The following NUDT11 variants were observed in gnomAD, a reference collection of about 807,000 sequenced individuals.
NUDT11 encodes nudix hydrolase 11.
Under a neutral mutation model 10.0 loss-of-function variants are expected in NUDT11, and 1 was observed. The observed-to-expected ratio is 0.10, with a 90% CI of 0.04 to 0.47. The LOEUF is 0.47. NUDT11 is among the 20% of genes least tolerant of loss of function. NUDT11 has a pLI of 0.96. For synonymous variants in NUDT11, 63 were observed against 65.9 expected, an observed-to-expected ratio of 0.96 and a Z score of 0.21; for missense variants, 47 against 140.4, an observed-to-expected ratio of 0.33 and a Z score of 3.36.
intron 1 of NUDT11, among the ~76,000 whole-genome samples, chrX:51,494,193 C>A (rs953804959): frequency 7.2e-5 from 8 of 111,602 alleles, no homozygotes; most frequent in African/African-American, 2.6e-4. Context: ...TGCACTTGTA[C>A]CCCTGGAATT....
chrX:51,491,521 A>G lies in NUDT11; in HGVS notation c.*228T>C. ...GCAGACACATCAAAAAAGCACAACA[A>G]AAGGCTATAGGTGCTGAATTAAGAG... On this transcript the variant is annotated 3_prime_UTR_variant, in exon 2 of 2. Transcript: ENST00000375992. The G allele has an allele frequency of 2.8e-6, 1 of 353,185 alleles. No individual in the cohort carries two copies. Among genetic ancestry groups the G allele is most frequent in the Non-Finnish European group, 4.9e-6 (1 of 203,562 alleles). 29.1% of individuals were successfully genotyped at this position (353,185 alleles called of 1,213,427 possible). A position where few individuals can be genotyped will look rare whatever the true frequency, so the allele number is the denominator to read the frequency against.
chrX:51,491,655 C>A lies in NUDT11; in HGVS notation c.*94G>T. On this transcript the variant is annotated 3_prime_UTR_variant, in exon 2 of 2. Transcript: ENST00000375992. ...ACCAGATGAGCTGTCTTCTTGGGAA[C>A]ACAGAAGTGCTCACCTGTACTTGAC... The A allele has an allele frequency of 1.8e-6, 1 of 561,167 alleles. No homozygotes were observed. Among genetic ancestry groups the A allele is most frequent in the South Asian group, 2.3e-5 (1 of 43,018 alleles). The allele number at this position is 561,167 out of a possible 1,213,427, so 46.2% of individuals were successfully genotyped here.
chrX:51,493,639 G>A (rs1049896697), intron 1 of NUDT11, among the ~76,000 whole-genome samples: 1 of 111,109 alleles, frequency 9.0e-6, no homozygotes, highest in African/African-American at 3.3e-5. Context: ...TCTCCTTGGC[G>A]CTCTTAACTA....
At chrX:51,495,839 A>C (rs1327146384) in intron 1 of NUDT11, 112 bp downstream of exon 1, 1 of 1,066,821 alleles carries the variant, frequency 9.4e-7, no homozygotes, top group Non-Finnish European at 1.2e-6. Flanking sequence ...GAAACAAAAG[A>C]AGCCTCCCTC....
intron 1 of NUDT11, among the ~76,000 whole-genome samples, chrX:51,494,522 TA>T (rs1189088986): frequency 9.0e-6 from 1 of 110,736 alleles, no homozygotes; most frequent in African/African-American, 3.3e-5. Flanking sequence ...TTTAGCAGCA[TA>T]AAAAATATTA....
intron 1 of NUDT11, among the ~76,000 whole-genome samples, chrX:51,494,401 T>G (rs1925658001): frequency 1.8e-5 from 2 of 112,060 alleles, no homozygotes; most frequent in South Asian, 7.4e-4. Context: ...CAGAAAATAT[T>G]TTGAGAAACA....
rs1169100885 is a variant in NUDT11 at position 51,490,998 on chromosome X, T to C, written c.*751A>G. 11 of 112,817 alleles carry C rather than the reference T, an allele frequency of 9.8e-5. No individual in the cohort carries two copies. Among genetic ancestry groups the C allele is most frequent in the African/African-American group, 2.9e-4 (9 of 31,007 alleles). 9.3% of individuals were successfully genotyped at this position (112,817 alleles called of 1,213,427 possible). ...GTCTTATATATCATTTTAAAATTTA[T>C]TTTTATAAAAACTCACAACATTATT... On this transcript the variant is annotated 3_prime_UTR_variant, in exon 2 of 2. Transcript: ENST00000375992.
Position 51,490,049 on chromosome X carries a change from A to G in NUDT11, c.*1700T>C, listed in dbSNP as rs1244275903. ...TTTTATTATGGAAAATTTCAAACAT[A>G]TACAAAAGTATAGAGAATAGTATAA... On this transcript the variant is annotated 3_prime_UTR_variant, in exon 2 of 2. Coordinates refer to ENST00000375992, the MANE Select transcript of NUDT11 (RefSeq NM_018159.4). 8.9e-6 allele frequency: 1 copy of G among 111,829 alleles called. No individual in the cohort carries two copies. The highest frequency in any genetic ancestry group is 1.9e-5 in the Non-Finnish European group (1 of 53,189). 9.2% of individuals were successfully genotyped at this position (111,829 alleles called of 1,213,427 possible). A position where few individuals can be genotyped will look rare whatever the true frequency, so the allele number is the denominator to read the frequency against.
intron 1 of NUDT11, among the ~76,000 whole-genome samples, chrX:51,493,067 T>C (rs782771213): frequency 1.8e-3 from 202 of 112,770 alleles, no homozygotes; most frequent in Non-Finnish European, 1.9e-3. Context: ...AGTTTGTTTC[T>C]TTAAAGTGTA....
rs1925580926 is a variant in NUDT11 at position 51,490,964 on chromosome X, C to CA, written c.*784dup. On this transcript the variant is annotated 3_prime_UTR_variant, in exon 2 of 2. Coordinates refer to ENST00000375992, the MANE Select transcript of NUDT11 (RefSeq NM_018159.4). ...TAAGAAGTGGTTAGGGCAGGCATTGCAAAAAAATGTCTTATATATCATTTT... is the reference window on the plus strand; with the variant it reads ...TAAGAAGTGGTTAGGGCAGGCATTGCAAAAAAAATGTCTTATATATCATTTT... The CA allele has an allele frequency of 9.0e-6, 1 of 111,619 alleles. No homozygotes were observed. The highest frequency in any genetic ancestry group is 9.5e-5 in the Admixed American group (1 of 10,537). The allele number at this position is 111,619 out of a possible 1,213,427, so 9.2% of individuals were successfully genotyped here. A position where few individuals can be genotyped will look rare whatever the true frequency, so the allele number is the denominator to read the frequency against.
chrX:51,495,928 G>C (rs781981062), intron 1 of NUDT11, 23 bp downstream of exon 1: 3 of 1,206,047 alleles, frequency 2.5e-6, no homozygotes, highest in African/African-American at 1.7e-5. Context: ...ATAGAAGTCT[G>C]CGCGAGCGCA....
rs1925597058 is a variant in NUDT11 at position 51,491,634 on chromosome X, G to GA, written c.*114dup. Reference sequence around the variant, plus strand: ...TGTCCCAAGATGCAGGAAGAAACCAGATGAGCTGTCTTCTTGGGAACACAG... The same window carrying GA: ...TGTCCCAAGATGCAGGAAGAAACCAGAATGAGCTGTCTTCTTGGGAACACAG... On this transcript the variant is annotated 3_prime_UTR_variant, in exon 2 of 2. Transcript: ENST00000375992. The GA allele has an allele frequency of 1.8e-6, 1 of 548,380 alleles. No homozygotes were observed. The allele number at this position is 548,380 out of a possible 1,213,427, so 45.2% of individuals were successfully genotyped here.
chrX:51,495,246 AT>A (rs1376141039), intron 1 of NUDT11, among the ~76,000 whole-genome samples: 1 of 111,977 alleles, frequency 8.9e-6, no homozygotes, highest in East Asian at 2.8e-4. Flanking sequence ...AGAAAAAGAA[AT>A]TTCTGAAAGG....
intron 1 of NUDT11, among the ~76,000 whole-genome samples, chrX:51,492,443 G>A (rs1172891692): frequency 9.4e-6 from 1 of 106,621 alleles, no homozygotes; most frequent in African/African-American, 3.5e-5. Flanking sequence ...TGCAACCTCT[G>A]CCTCCTGGTT....
At chrX:51,493,402 G>A (rs782444718) in intron 1 of NUDT11, among the ~76,000 whole-genome samples, 30 of 111,524 alleles carry the variant, frequency 2.7e-4, no homozygotes, top group Non-Finnish European at 1.9e-4. Context: ...ACTCTTAGAA[G>A]GAAAAAAATC....
intron 1 of NUDT11, among the ~76,000 whole-genome samples, chrX:51,492,725 G>A (rs1324662144): frequency 8.9e-6 from 1 of 111,777 alleles, no homozygotes; most frequent in Non-Finnish European, 1.9e-5. Flanking sequence ...AGTCAGCATA[G>A]TAACTTCCAC....
At position 51,490,879 on chromosome X, in the gene NUDT11, T is replaced by G. The variant is rs1557326116; in HGVS notation, c.*870A>C. On this transcript the variant is annotated 3_prime_UTR_variant, in exon 2 of 2. Coordinates refer to ENST00000375992, the MANE Select transcript of NUDT11 (RefSeq NM_018159.4). The stretch of plus-strand genomic sequence containing the variant: ...TTGGCTCTGGCATCAAATAATACAG[T>G]ATGTTAAATCTGTAAAATGAGGAAA... 1 of 112,229 alleles carries G rather than the reference T, an allele frequency of 8.9e-6. No individual in the cohort carries two copies. The highest frequency in any genetic ancestry group is 3.2e-5 in the African/African-American group (1 of 30,889). The allele number at this position is 112,229 out of a possible 1,213,427, so 9.2% of individuals were successfully genotyped here.
rs1925701646 is a variant in NUDT11 at position 51,496,149 on chromosome X, G to A, written c.296C>T (p.Thr99Ile). The A allele has an allele frequency of 4.1e-6, 5 of 1,211,820 alleles. No homozygotes were observed. The highest frequency in any genetic ancestry group is 5.6e-6 in the Non-Finnish European group (5 of 895,443). The change falls in exon 1 of 2, where the codon ACT (threonine) becomes ATT (isoleucine). Residue 99 changes from threonine (T) to isoleucine (I), a missense_variant. Transcript: ENST00000375992. ...CCAATCCTCCAGCAGCTCCGTGACA[G>A]TCAGTACATACACGTACGTTCTGTG... ...RKHRTYVYVL[T>I]VTELLEDWED...
At chrX:51,493,902 G>A (rs1034119151) in intron 1 of NUDT11, among the ~76,000 whole-genome samples, 1 of 111,890 alleles carries the variant, frequency 8.9e-6, no homozygotes, top group Non-Finnish European at 1.9e-5. Flanking sequence ...ATGATAGAAA[G>A]TACGAGTTAA....
Sources: allele counts gnomAD v4.1 joint callset (sites outside exome capture counted in the v4.1 genomes callset), GRCh38; gene constraint gnomAD v4.1.1; transcripts MANE v1.5; gene names NCBI Gene and HGNC (gene_info 2026-07-23, HGNC 2026-07-21).